TPSAB1: variants seen among roughly 807,000 people sequenced by gnomAD.
The protein encoded by TPSAB1 is tryptase alpha/beta-1.
In TPSAB1, 15 loss-of-function variants were observed where a neutral mutation model predicts 21.8. That is an observed-to-expected ratio of 0.69 (90% CI 0.46 to 1.06). TPSAB1 has a LOEUF of 1.06. TPSAB1 is among the 50% of genes least tolerant of loss of function. The probability of loss-of-function intolerance (pLI) is 0.00; values close to 1 mark genes in which losing one functional copy is unlikely to be tolerated. For synonymous variants in TPSAB1, 74 were observed against 140.4 expected, an observed-to-expected ratio of 0.53 and a Z score of 3.34; for missense variants, 186 against 311.2, an observed-to-expected ratio of 0.60 and a Z score of 3.03.
At position 1,241,291 on chromosome 16, in the gene TPSAB1, AGTGGGTGCTGACCGCAGCGCACTGC is replaced by A. The variant is rs1448628561; in HGVS notation, c.206_230del (p.Val69AspfsTer55). On this transcript the variant is annotated frameshift_variant, in exon 3 of 6. Transcript: ENST00000338844. LOFTEE classifies it high-confidence loss of function. ...TGCGGGGGCTCCCTCATCCACCCCC[AGTGGGTGCTGACCGCAGCGCACTGC>A]GTGGGACCGTGAGTCTCCCGGGGCC... 4 of 1,611,350 alleles carry A rather than the reference AGTGGGTGCTGACCGCAGCGCACTGC, an allele frequency of 2.5e-6. No individual in the cohort carries two copies. The African/African-American group carries it at 5.3e-5, about 22-fold the overall frequency.
rs955819018 is a variant in TPSAB1 at position 1,240,711 on chromosome 16, G to A, written c.-18G>A. On this transcript the variant is annotated 5_prime_UTR_variant, in exon 1 of 6. Coordinates refer to ENST00000338844, the MANE Select transcript of TPSAB1 (RefSeq NM_003294.4). ...GAGGGGAGAGCCCACTGGGTAGAAGGAACAGGGAGCGGCCAGGGTAAGTCC... is the reference window on the plus strand; with the variant it reads ...GAGGGGAGAGCCCACTGGGTAGAAGAAACAGGGAGCGGCCAGGGTAAGTCC... 1.7e-6 allele frequency: 1 copy of A among 597,936 alleles called. No homozygotes were observed. Among genetic ancestry groups the A allele is most frequent in the African/African-American group, 1.9e-5 (1 of 52,650 alleles). 37.0% of individuals were successfully genotyped at this position (597,936 alleles called of 1,614,324 possible).
chr16:1,242,081 C>T lies in TPSAB1; in HGVS notation c.669C>T (p.Asp223=). 1.4e-6 allele frequency: 2 copies of T among 1,406,982 alleles called. No individual in the cohort carries two copies. The highest frequency in any genetic ancestry group is 2.8e-5 in the East Asian group (1 of 35,540). The allele number at this position is 1,406,982 out of a possible 1,614,324, so 87.2% of individuals were successfully genotyped here. ...CTGACCTCTGACCTTCCCAGGGCGA[C>T]TCCGGAGGGCCCCTGGTGTGCAAGG... is the stretch of plus-strand genomic sequence containing the variant. ...GNTRRDSCQG[D]SGGPLVCKVN... Residue 223 remains aspartate, a synonymous_variant, in exon 6 of 6, where the codon GAC becomes GAT. Coordinates refer to ENST00000338844, the MANE Select transcript of TPSAB1 (RefSeq NM_003294.4).
Position 1,242,306 on chromosome 16 carries a change from T to C in TPSAB1, c.*66T>C, listed in dbSNP as rs1289324666. On this transcript the variant is annotated 3_prime_UTR_variant, in exon 6 of 6. Coordinates refer to ENST00000338844, the MANE Select transcript of TPSAB1 (RefSeq NM_003294.4). ...CCCCTGCTGTCCAAAACACCACTGC[T>C]TCCTACCCAGGTGGCGACTGCCCCC... 6.9e-6 allele frequency: 11 copies of C among 1,597,346 alleles called. 1 individual carries two copies. In the South Asian group the frequency reaches 9.1e-5, roughly 13 times the overall value.
rs761976083 is a variant in TPSAB1, at chr16:1,242,245, G to A, written c.*5G>A. 2 of 1,612,504 alleles carry A rather than the reference G, an allele frequency of 1.2e-6. No homozygotes were observed. Among genetic ancestry groups the A allele is most frequent in the Non-Finnish European group, 1.7e-6 (2 of 1,179,452 alleles). ...TATGTCCCCAAAAAGCCGTGAGTCA[G>A]GCCTGGGTTGGCCACCTGGGTCACT... On this transcript the variant is annotated 3_prime_UTR_variant, in exon 6 of 6. Transcript: ENST00000338844.
At position 1,242,219 on chromosome 16, in the gene TPSAB1, C is replaced by T. The variant is rs139631258; in HGVS notation, c.807C>T (p.His269=). The change falls in exon 6 of 6, where the codon CAC becomes CAT. Residue 269 remains histidine, a synonymous_variant. Coordinates refer to ENST00000338844, the MANE Select transcript of TPSAB1 (RefSeq NM_003294.4). ...CCTACTACTTGGACTGGATCCACCA[C>T]TATGTCCCCAAAAAGCCGTGAGTCA... ...RVTYYLDWIH[H]YVPKKP The T allele has an allele frequency of 8.3e-5, 133 of 1,610,790 alleles. 3 individuals are homozygous for T. The African/African-American group carries it at 1.6e-3, about 19-fold the overall frequency.
At position 1,242,143 on chromosome 16, in the gene TPSAB1, G is replaced by A. The variant is rs1211245689; in HGVS notation, c.731G>A (p.Trp244Ter). 6.3e-7 allele frequency: 1 copy of A among 1,583,938 alleles called. No individual in the cohort carries two copies. The highest frequency in any genetic ancestry group is 8.6e-7 in the Non-Finnish European group (1 of 1,168,398). The change falls in exon 6 of 6, where the codon TGG becomes TAG. Residue 244 changes from tryptophan (W) to a stop codon, truncating the protein, a stop_gained. Transcript: ENST00000338844. LOFTEE classifies it low-confidence loss of function (END_TRUNC). ...TGGCTGCAGGCGGGCGTGGTCAGCT[G>A]GGGCGAGGGCTGTGCCCAGCCCAAC... ...GTWLQAGVVSWGEGCAQPNRP... is the reference protein window; with the variant it reads ...GTWLQAGVVS
In TPSAB1 at chr16:1,242,116, C is replaced by T. The variant is rs367796167; in HGVS notation, c.704C>T (p.Thr235Ile). The change falls in exon 6 of 6, where the codon ACC becomes ATC. Residue 235 changes from threonine to isoleucine, a missense_variant. By Grantham distance (89) the Thr-to-Ile change is moderately conservative. Around this residue, in one of 4 missense-constraint regions of TPSAB1, gnomAD observed 85 missense variants for 104.3 expected, o/e 0.81. Coordinates refer to ENST00000338844, the MANE Select transcript of TPSAB1 (RefSeq NM_003294.4). The part of the protein sequence containing the change: ...GGPLVCKVNG[T>I]WLQAGVVSWG... ...CCCCTGGTGTGCAAGGTGAATGGCA[C>T]CTGGCTGCAGGCGGGCGTGGTCAGC... The T allele has an allele frequency of 6.7e-5, 102 of 1,525,570 alleles. No individual in the cohort carries two copies. Among genetic ancestry groups the T allele is most frequent in the Non-Finnish European group, 8.4e-5 (96 of 1,145,452 alleles). The allele number at this position is 1,525,570 out of a possible 1,614,324, so 94.5% of individuals were successfully genotyped here.
In TPSAB1 at chr16:1,241,286, C is replaced by A. The variant is rs753505983; in HGVS notation, c.195C>A (p.His65Gln). 3.1e-6 allele frequency: 5 copies of A among 1,611,342 alleles called. No homozygotes were observed. The South Asian group carries it at 3.3e-5, about 11-fold the overall frequency. The change falls in exon 3 of 6, where the codon CAC becomes CAA. Residue 65 changes from histidine (H) to glutamine (Q), a missense_variant. By Grantham distance (24) the His-to-Gln change is conservative. Transcript: ENST00000338844. Reference protein sequence around the residue: ...WMHFCGGSLIHPQWVLTAAHC... With the variant: ...WMHFCGGSLIQPQWVLTAAHC... ...ACTTCTGCGGGGGCTCCCTCATCCA[C>A]CCCCAGTGGGTGCTGACCGCAGCGC...
intron 4 of TPSAB1, 23 bp downstream of exon 4, chr16:1,241,722 TG>T: frequency 1.7e-6 from 1 of 585,480 alleles, no homozygotes; most frequent in African/African-American, 4.3e-5. Context: ...ACAGTGGAGG[TG>T]GGGCCAGGGT....
At position 1,241,441 on chromosome 16, in the gene TPSAB1, A is replaced by T. The variant is rs1230285093; in HGVS notation, c.241A>T (p.Lys81Ter). ...GGATCCTCCGCTGCCCAGGGACGTC[A>T]AGGATCTGGCCGCCCTCAGGGTGCA... Reference protein sequence around the residue: ...TAAHCVGPDVKDLAALRVQLR... With the variant: ...TAAHCVGPDV Residue 81 changes from lysine (K) to a stop codon, truncating the protein, a stop_gained, in exon 4 of 6, where the codon AAG becomes TAG. Transcript: ENST00000338844. LOFTEE classifies it high-confidence loss of function. 1 of 1,543,794 alleles carries T rather than the reference A, an allele frequency of 6.5e-7. No individual in the cohort carries two copies. Among genetic ancestry groups the T allele is most frequent in the Admixed American group, 2.1e-5 (1 of 48,134 alleles).
Position 1,242,176 on chromosome 16 carries a change from G to T in TPSAB1, c.764G>T (p.Gly255Val), listed in dbSNP as rs760070199. ...GGCTGTGCCCAGCCCAACCGGCCTGGCATCTACACCCGTGTCACCTACTAC... is the reference window on the plus strand; with the variant it reads ...GGCTGTGCCCAGCCCAACCGGCCTGTCATCTACACCCGTGTCACCTACTAC... ...GEGCAQPNRP[G>V]IYTRVTYYLD... The change falls in exon 6 of 6, where the codon GGC (glycine) becomes GTC (valine). Residue 255 changes from glycine to valine, a missense_variant. Around this residue, in one of 4 missense-constraint regions of TPSAB1, gnomAD observed 85 missense variants for 104.3 expected, o/e 0.81. Transcript: ENST00000338844. 1 of 1,598,458 alleles carries T rather than the reference G, an allele frequency of 6.3e-7. No individual in the cohort carries two copies. Among genetic ancestry groups the T allele is most frequent in the South Asian group, 1.1e-5 (1 of 88,662 alleles).
At position 1,242,272 on chromosome 16, in the gene TPSAB1, G is replaced by T; in HGVS notation, c.*32G>T. 2 of 1,611,854 alleles carry T rather than the reference G, an allele frequency of 1.2e-6. No homozygotes were observed. Among genetic ancestry groups the T allele is most frequent in the Non-Finnish European group, 1.7e-6 (2 of 1,178,996 alleles). ...CCTGGGTTGGCCACCTGGGTCACTG[G>T]AGGACCAACCCCTGCTGTCCAAAAC... On this transcript the variant is annotated 3_prime_UTR_variant, in exon 6 of 6. Transcript: ENST00000338844.
In TPSAB1 at chr16:1,241,237, G is replaced by A. The variant is rs539365257; in HGVS notation, c.146G>A (p.Arg49Lys). The change falls in exon 3 of 6, where the codon AGA becomes AAA. Residue 49 changes from arginine to lysine, a missense_variant. Physicochemically the swap from Arg to Lys is conservative, Grantham distance 26. This residue lies in a region of TPSAB1 where 89 missense variants were observed against 74.9 expected (regional missense o/e 1.19). Transcript: ENST00000338844. ...RSKWPWQVSL[R>K]VHGPYWMHFC... is the part of the protein sequence containing the mutation. ...AAGTGGCCCTGGCAGGTGAGCCTGA[G>A]AGTCCACGGCCCATACTGGATGCAC... The A allele has an allele frequency of 6.2e-7, 1 of 1,612,318 alleles. No individual in the cohort carries two copies. Among genetic ancestry groups the A allele is most frequent in the East Asian group, 2.2e-5 (1 of 44,850 alleles).
At chr16:1,242,016 C>CCCCCCCCCCACCCCCCCCCCCCCA in intron 5 of TPSAB1, 26 bp downstream of exon 5, 1 of 325,782 alleles carries the variant, frequency 3.1e-6, no homozygotes, top group South Asian at 2.6e-5. Context: ...CCCCCGCCCC[C>CCCCCCCCCCACCCCCCCCCCCCCA]CGCCCCCCAA....
At position 1,241,830 on chromosome 16, in the gene TPSAB1, G is replaced by C. The variant is rs202156919; in HGVS notation, c.503G>C (p.Arg168Pro). 0.23 allele frequency: 75,212 copies of C among 324,082 alleles called. 8 individuals carry two copies. Among genetic ancestry groups the C allele is most frequent in the East Asian group, 0.31 (5,283 of 16,966 alleles). The allele number at this position is 324,082 out of a possible 1,614,324, so 20.1% of individuals were successfully genotyped here. Residue 168 changes from arginine (R) to proline (P), a missense_variant, in exon 5 of 6, where the codon CGC becomes CCC. This residue lies in a region of TPSAB1 where 85 missense variants were observed against 104.3 expected (regional missense o/e 0.81). Transcript: ENST00000338844. ...TGWGDVDNDE[R>P]LPPPFPLKQV... ...GCACCCTCTTCCCCACCTGCAGAGC[G>C]CCTCCCACCGCCATTTCCTCTGAAG...
At position 1,241,501 on chromosome 16, in the gene TPSAB1, C is replaced by G; in HGVS notation, c.301C>G (p.Leu101Val). 1 of 1,529,418 alleles carries G rather than the reference C, an allele frequency of 6.5e-7. No individual in the cohort carries two copies. 94.7% of individuals were successfully genotyped at this position (1,529,418 alleles called of 1,614,324 possible). ...REQHLYYQDQ[L>V]LPVSRIIVHP... is the part of the protein sequence containing the mutation. ...GCAGCACCTCTACTACCAGGACCAGCTGCTGCCGGTCAGCAGGATCATCGT... is the reference window on the plus strand; with the variant it reads ...GCAGCACCTCTACTACCAGGACCAGGTGCTGCCGGTCAGCAGGATCATCGT... Residue 101 changes from leucine to valine, a missense_variant, in exon 4 of 6, where the codon CTG (leucine) becomes GTG (valine). Physicochemically the swap from Leu to Val is conservative, Grantham distance 32. This residue lies in a region of TPSAB1 where 10 missense variants were observed against 104.5 expected (regional missense o/e 0.10). Transcript: ENST00000338844.
chr16:1,241,269 G>T lies in TPSAB1; in HGVS notation c.178G>T (p.Gly60Trp). 1 of 1,612,120 alleles carries T rather than the reference G, an allele frequency of 6.2e-7. No individual in the cohort carries two copies. The highest frequency in any genetic ancestry group is 8.5e-7 in the Non-Finnish European group (1 of 1,179,274). Residue 60 changes from glycine (G) to tryptophan (W), a missense_variant, in exon 3 of 6, where the codon GGG becomes TGG. Physicochemically the swap from Gly to Trp is radical, Grantham distance 184. Around this residue, in one of 4 missense-constraint regions of TPSAB1, gnomAD observed 89 missense variants for 74.9 expected, o/e 1.19. Transcript: ENST00000338844. ...VHGPYWMHFC[G>W]GSLIHPQWVL... ...CGGCCCATACTGGATGCACTTCTGC[G>T]GGGGCTCCCTCATCCACCCCCAGTG...
In TPSAB1 at chr16:1,241,997, C is replaced by G; in HGVS notation, c.663+7C>G. Reference sequence around the variant, plus strand: ...CCGGAGGGACTCATGCCAGGTGGGCCCCGCCTGTCCCCCGCCCCCCGCCCC... The same window carrying G: ...CCGGAGGGACTCATGCCAGGTGGGCGCCGCCTGTCCCCCGCCCCCCGCCCC... On this transcript the variant is annotated splice_region_variant and intron_variant, in intron 5 of 5. Transcript: ENST00000338844. 2.2e-6 allele frequency: 1 copy of G among 447,130 alleles called. No homozygotes were observed. The highest frequency in any genetic ancestry group is 3.6e-6 in the Non-Finnish European group (1 of 274,260). 27.7% of individuals were successfully genotyped at this position (447,130 alleles called of 1,614,324 possible).
Position 1,242,194 on chromosome 16 carries a change from C to T in TPSAB1, c.782C>T (p.Thr261Ile), listed in dbSNP as rs1252331576. The T allele has an allele frequency of 1.9e-6, 3 of 1,605,350 alleles. No individual in the cohort carries two copies. The highest frequency in any genetic ancestry group is 2.5e-6 in the Non-Finnish European group (3 of 1,176,898). Residue 261 changes from threonine to isoleucine, a missense_variant, in exon 6 of 6, where the codon ACC (threonine) becomes ATC (isoleucine). By Grantham distance (89) the Thr-to-Ile change is moderately conservative. Transcript: ENST00000338844. The part of the protein sequence containing the change: ...PNRPGIYTRV[T>I]YYLDWIHHYV... ...CGGCCTGGCATCTACACCCGTGTCA[C>T]CTACTACTTGGACTGGATCCACCAC...
Sources: allele counts gnomAD v4.1 joint callset, GRCh38; gene constraint gnomAD v4.1.1; regional missense constraint gnomAD v4.1.1; transcripts MANE v1.5; gene names NCBI Gene and HGNC (gene_info 2026-07-23, HGNC 2026-07-21).